Variants in TXNDC11 observed in about 807,000 individuals in gnomAD.
The protein encoded by TXNDC11 is thioredoxin domain containing 11.
A neutral mutation model predicts 78.0 loss-of-function variants in TXNDC11; 68 were observed. The ratio of observed to expected loss-of-function variants is 0.87; its 90% CI spans 0.72 to 1.07. The LOEUF (loss-of-function observed/expected upper bound fraction) is 1.07, where lower values mean the gene tolerates loss of function less well. TXNDC11 is among the 50% of genes least tolerant of loss of function. The pLI, the probability that TXNDC11 is intolerant of heterozygous loss-of-function variation, is 0.00. For missense variants in TXNDC11, 1,389 were observed against 1,221.8 expected (o/e 1.14, Z -2.04); for synonymous variants, 571 against 495.2 (o/e 1.15, Z -2.03).
At chr16:11,712,929 A>AAC (rs111887849) in intron 5 of TXNDC11, among the ~76,000 whole-genome samples, 32,281 of 141,872 alleles carry the variant, frequency 0.23, 4,098 homozygotes, top group African/African-American at 0.36. Flanking sequence ...TTCCACTTAA[A>AAC]ACACACACAC....
rs62040598 is a variant in TXNDC11 at position 11,681,248 on chromosome 16, C to T, written c.2235-1411G>A. Reference sequence around the variant, plus strand: ...TGTCAAGTGGGCCCATGGAAGAATACCAGACGCTGGACCTGCCCCCACGTT... The same window carrying T: ...TGTCAAGTGGGCCCATGGAAGAATATCAGACGCTGGACCTGCCCCCACGTT... On this transcript the variant is annotated intron_variant, in intron 11 of 11. Coordinates refer to ENST00000283033, the MANE Select transcript of TXNDC11 (RefSeq NM_015914.7). Among the ~76,000 whole-genome samples the T allele has an allele frequency of 3.8e-3, 575 of 152,334 alleles. 2 individuals carry two copies. Among genetic ancestry groups the T allele is most frequent in the Non-Finnish European group, 5.7e-3 (389 of 68,030 alleles).
intron 6 of TXNDC11, 146 bp downstream of exon 6, chr16:11,700,306 C>T (rs2050975570): frequency 2.3e-6 from 1 of 435,706 alleles, no homozygotes; most frequent in East Asian, 3.5e-5. Flanking sequence ...TAGGGTGGGG[C>T]TGTAAGAACT....
chr16:11,708,271 CAT>C (rs2051241197), intron 5 of TXNDC11, among the ~76,000 whole-genome samples: 1 of 152,174 alleles, frequency 6.6e-6, no homozygotes, highest in East Asian at 1.9e-4. Flanking sequence ...GGTAAGATCA[CAT>C]GAGACAATGT....
chr16:11,682,474 T>C (rs1278884208), intron 11 of TXNDC11, among the ~76,000 whole-genome samples: 1 of 152,160 alleles, frequency 6.6e-6, no homozygotes, highest in East Asian at 1.9e-4. Context: ...AGAACGAAGG[T>C]CACTCAGCCC....
intron 5 of TXNDC11, among the ~76,000 whole-genome samples, chr16:11,702,294 G>A (rs559765244): frequency 2.0e-5 from 3 of 152,028 alleles, no homozygotes; most frequent in Admixed American, 2.0e-4. Context: ...GTTAAAGGAG[G>A]GTGAATAAGA....
chr16:11,711,731 G>C (rs138259471), intron 5 of TXNDC11, among the ~76,000 whole-genome samples: 50 of 152,202 alleles, frequency 3.3e-4, no homozygotes, highest in African/African-American at 1.2e-3. Context: ...AAGAAGCGGA[G>C]CTTTTTAAGG....
intron 5 of TXNDC11, among the ~76,000 whole-genome samples, chr16:11,719,531 T>C (rs796886340): frequency 2.6e-5 from 4 of 152,320 alleles, no homozygotes; most frequent in African/African-American, 9.6e-5. Flanking sequence ...TTGCCAGTCA[T>C]ATAATTGTTT....
At position 11,683,782 on chromosome 16, in the gene TXNDC11, C is replaced by T. The variant is rs554236783; in HGVS notation, c.2234+383G>A. On this transcript the variant is annotated intron_variant, in intron 11 of 11. Transcript: ENST00000283033. ...TTTTTTTTTTTTTGAGGCAGAGCCT[C>T]GCTCTGTCACCCAGGTTGGAGTGCA... Among the ~76,000 whole-genome samples, 345 of 145,342 alleles carry T rather than the reference C, an allele frequency of 2.4e-3. 2 individuals are homozygous for T. Among genetic ancestry groups the T allele is most frequent in the African/African-American group, 8.5e-3 (324 of 38,098 alleles).
At chr16:11,714,575 G>C (rs2051470412) in intron 5 of TXNDC11, among the ~76,000 whole-genome samples, 1 of 152,060 alleles carries the variant, frequency 6.6e-6, no homozygotes, top group South Asian at 2.1e-4. Flanking sequence ...GGGAGGCGGA[G>C]GTTGCAGTGA....
Position 11,742,794 on chromosome 16 carries a change from G to T in TXNDC11, c.-64C>A. The T allele has an allele frequency of 7.2e-7, 1 of 1,393,372 alleles. No individual in the cohort carries two copies. Among genetic ancestry groups the T allele is most frequent in the African/African-American group, 1.5e-5 (1 of 66,676 alleles). The allele number at this position is 1,393,372 out of a possible 1,614,324, so 86.3% of individuals were successfully genotyped here. A position where few individuals can be genotyped will look rare whatever the true frequency, so the allele number is the denominator to read the frequency against. ...GCCTCGGGCCCGAAGGCCCGGCCCG[G>T]CCCGTTGCTCCCCAATCCCGCAGCT... is the stretch of plus-strand genomic sequence containing the variant. On this transcript the variant is annotated 5_prime_UTR_variant, in exon 1 of 12. Coordinates refer to ENST00000283033, the MANE Select transcript of TXNDC11 (RefSeq NM_015914.7).
chr16:11,700,409 A>T, intron 6 of TXNDC11, 43 bp downstream of exon 6: 1 of 963,082 alleles, frequency 1.0e-6, no homozygotes, highest in Non-Finnish European at 1.6e-6. Context: ...AAACAAGGTT[A>T]AGAACCACTG....
chr16:11,707,890 C>T (rs1431035689), intron 5 of TXNDC11, among the ~76,000 whole-genome samples: 1 of 151,754 alleles, frequency 6.6e-6, no homozygotes, highest in Non-Finnish European at 1.5e-5. Context: ...CAAGACCAGC[C>T]TGGGCAAGAG....
chr16:11,713,904 T>C (rs1482630161), intron 5 of TXNDC11, among the ~76,000 whole-genome samples: 2 of 152,096 alleles, frequency 1.3e-5, no homozygotes, highest in Non-Finnish European at 2.9e-5. Context: ...TTAAACTCAA[T>C]GTCTGGTCCA....
intron 10 of TXNDC11, among the ~76,000 whole-genome samples, chr16:11,686,709 T>C (rs2050576005): frequency 6.6e-6 from 1 of 152,256 alleles, no homozygotes; most frequent in South Asian, 2.1e-4. Flanking sequence ...ATTTCCCCAC[T>C]TGTTTATTTA....
chr16:11,684,221 A>G lies in TXNDC11; in HGVS notation c.2178T>C (p.Leu726=), dbSNP rs200581409. 6.2e-7 allele frequency: 1 copy of G among 1,613,792 alleles called. No individual in the cohort carries two copies. Among genetic ancestry groups the G allele is most frequent in the South Asian group, 1.1e-5 (1 of 91,074 alleles). ...GACGATCGACCATAAATTCCCAAGG[A>G]AGGTCATTCTGAGACACGTCAATCC... ...VARIDVSQND[L]PWEFMVDRLP... Residue 726 remains leucine, a synonymous_variant, in exon 11 of 12, where the codon CTT becomes CTC. Transcript: ENST00000283033.
At chr16:11,683,677 A>G (rs1426161267) in intron 11 of TXNDC11, among the ~76,000 whole-genome samples, 1 of 152,188 alleles carries the variant, frequency 6.6e-6, no homozygotes, top group Non-Finnish European at 1.5e-5. Flanking sequence ...AGACTGGGAA[A>G]AACAACCTTT....
At chr16:11,716,089 C>A (rs544945843) in intron 5 of TXNDC11, among the ~76,000 whole-genome samples, 4 of 152,228 alleles carry the variant, frequency 2.6e-5, no homozygotes, top group East Asian at 3.9e-4. Flanking sequence ...CAAACACAAA[C>A]ACAGAAAGGT....
At chr16:11,683,509 C>A (rs2050485340) in intron 11 of TXNDC11, among the ~76,000 whole-genome samples, 1 of 152,168 alleles carries the variant, frequency 6.6e-6, no homozygotes, top group African/African-American at 2.4e-5. Flanking sequence ...GGCAGGGCTC[C>A]ACAGATTCTC....
intron 5 of TXNDC11, among the ~76,000 whole-genome samples, chr16:11,706,597 G>T (rs1189363435): frequency 1.3e-5 from 2 of 152,206 alleles, no homozygotes; most frequent in African/African-American, 2.4e-5. Flanking sequence ...GTCATCTCTT[G>T]TGAGTGTGGG....
Sources: allele counts gnomAD v4.1 joint callset (sites outside exome capture counted in the v4.1 genomes callset), GRCh38; gene constraint gnomAD v4.1.1; transcripts MANE v1.5; gene names NCBI Gene and HGNC (gene_info 2026-07-23, HGNC 2026-07-21).